Variants in NRG3 observed in about 807,000 individuals in gnomAD.
NRG3 encodes the protein neuregulin 3.
NRG3 carries 31 observed loss-of-function variants against 66.9 expected under a neutral mutation model. The observed-to-expected ratio is 0.46, with a 90% confidence interval of 0.35 to 0.63. The LOEUF (loss-of-function observed/expected upper bound fraction) is 0.63, where lower values mean the gene tolerates loss of function less well. Among genes scored for constraint, NRG3 ranks in the 20% least tolerant of loss-of-function variants. NRG3 has a pLI of 0.00. For missense variants in NRG3, 910 were observed against 878.9 expected (o/e 1.04, Z -0.45); for synonymous variants, 393 against 359.4 (o/e 1.09, Z -1.06).
chr10:82,749,827 ACCC>A (rs2058792394), intron 3 of NRG3, among the ~76,000 whole-genome samples: 2 of 151,686 alleles, frequency 1.3e-5, no homozygotes, highest in Middle Eastern at 3.5e-3. Flanking sequence ...GGCCAAGACT[ACCC>A]GAAGATTAAA....
At chr10:82,749,006 T>C (rs2058752970) in intron 3 of NRG3, among the ~76,000 whole-genome samples, 1 of 152,130 alleles carries the variant, frequency 6.6e-6, no homozygotes, top group East Asian at 1.9e-4. Context: ...AGCATCATTA[T>C]TTTTGATGCA....
At chr10:82,166,938 G>T in intron 1 of NRG3, 2 of 466,716 alleles carry the variant, frequency 4.3e-6, no homozygotes, top group South Asian at 3.8e-5. Context: ...CTGTCTTCTT[G>T]CTCGCATTAT....
At chr10:82,164,066 A>G (rs1263371433) in intron 1 of NRG3, among the ~76,000 whole-genome samples, 1 of 151,808 alleles carries the variant, frequency 6.6e-6, no homozygotes. Flanking sequence ...GACTACAGGC[A>G]TGCACCACCA....
intron 1 of NRG3, among the ~76,000 whole-genome samples, chr10:82,354,248 C>T (rs1032202930): frequency 6.6e-5 from 10 of 151,312 alleles, no homozygotes; most frequent in East Asian, 3.9e-4. Flanking sequence ...CCTATGTTGT[C>T]GAGGCTGGTC....
At chr10:82,703,833 C>T (rs1006141218) in intron 2 of NRG3, among the ~76,000 whole-genome samples, 2 of 152,122 alleles carry the variant, frequency 1.3e-5, no homozygotes, top group South Asian at 4.1e-4. Context: ...AGGATCTGAA[C>T]ATCAGATTTC....
At chr10:82,217,950 G>T (rs1397991098) in intron 1 of NRG3, among the ~76,000 whole-genome samples, 1 of 151,322 alleles carries the variant, frequency 6.6e-6, no homozygotes, top group East Asian at 1.9e-4. Context: ...TTTTTTTCTA[G>T]CCCCTACTTT....
intron 1 of NRG3, among the ~76,000 whole-genome samples, chr10:82,105,039 T>A (rs1288860283): frequency 6.6e-6 from 1 of 152,036 alleles, no homozygotes; most frequent in Admixed American, 6.6e-5. Flanking sequence ...AATAAACAGG[T>A]TATGGTTGTA....
chr10:82,669,802 C>T (rs1039925412), intron 2 of NRG3, among the ~76,000 whole-genome samples: 69 of 152,092 alleles, frequency 4.5e-4, no homozygotes, highest in African/African-American at 1.6e-3. Context: ...GTGGTGGGCG[C>T]CTGTAGTCCC....
chr10:82,556,102 C>T (rs1354116699), intron 2 of NRG3, among the ~76,000 whole-genome samples: 1 of 152,154 alleles, frequency 6.6e-6, no homozygotes, highest in Non-Finnish European at 1.5e-5. Context: ...ATGATGTTCT[C>T]CTATTTAAAA....
At chr10:82,094,666 A>G (rs1590085469) in intron 1 of NRG3, among the ~76,000 whole-genome samples, 1 of 152,224 alleles carries the variant, frequency 6.6e-6, no homozygotes, top group Non-Finnish European at 1.5e-5. Context: ...CGAGATATAT[A>G]TATCACATTT....
chr10:82,592,999 A>G (rs773317200), intron 2 of NRG3, among the ~76,000 whole-genome samples: 22 of 152,180 alleles, frequency 1.4e-4, no homozygotes, highest in Non-Finnish European at 2.9e-4. Context: ...TGATGCATAT[A>G]CAAAAAATTA....
chr10:82,713,773 T>C (rs2056812906), intron 2 of NRG3, among the ~76,000 whole-genome samples: 1 of 152,204 alleles, frequency 6.6e-6, no homozygotes, highest in South Asian at 2.1e-4. Context: ...TAAACCCAAG[T>C]TTCTTCACAA....
At chr10:82,398,946 TTGC>T (rs1185590091) in intron 2 of NRG3, among the ~76,000 whole-genome samples, 1 of 152,130 alleles carries the variant, frequency 6.6e-6, no homozygotes, top group African/African-American at 2.4e-5. Flanking sequence ...GATACACCAA[TTGC>T]TTAGAGTATT....
intron 1 of NRG3, among the ~76,000 whole-genome samples, chr10:82,091,879 G>T (rs574109141): frequency 1.3e-5 from 2 of 152,220 alleles, no homozygotes; most frequent in Admixed American, 6.5e-5. Context: ...AGTTGGATTT[G>T]CACTTTCCCA....
At chr10:82,282,249 CATTTATTTATTTATTTATTT>C (rs5786542) in intron 1 of NRG3, among the ~76,000 whole-genome samples, 128 of 148,546 alleles carry the variant, frequency 8.6e-4, no homozygotes, top group African/African-American at 2.4e-3. Flanking sequence ...GAAAACATTA[CATTTATTTATTTATTTATTT>C]ATTTATTTAT....
chr10:82,464,936 A>G (rs1397454851), intron 2 of NRG3, among the ~76,000 whole-genome samples: 1 of 152,158 alleles, frequency 6.6e-6, no homozygotes, highest in Non-Finnish European at 1.5e-5. Context: ...AAGAGGAGCT[A>G]GGCCAGGAAT....
intron 4 of NRG3, among the ~76,000 whole-genome samples, chr10:82,903,922 C>T (rs1259465770): frequency 6.6e-6 from 1 of 152,150 alleles, no homozygotes; most frequent in East Asian, 1.9e-4. Flanking sequence ...AGCAAGATTT[C>T]AGACACAAGC....
intron 1 of NRG3, among the ~76,000 whole-genome samples, chr10:82,106,054 C>T (rs1357769113): frequency 2.0e-5 from 3 of 152,160 alleles, no homozygotes; most frequent in South Asian, 2.1e-4. Flanking sequence ...CATCTATTTC[C>T]AATACTTTCC....
rs535103710 is a variant in NRG3 at position 82,422,312 on chromosome 10, C to A, written c.953+63444C>A. On this transcript the variant is annotated intron_variant, in intron 2 of 8. Coordinates refer to ENST00000372141, the MANE Select transcript of NRG3 (RefSeq NM_001010848.4). ...TGTTGTGAGATATGTTTGATAAAATCTGGGTTGATCAAATTTAAACAAGAT... is the reference window on the plus strand; with the variant it reads ...TGTTGTGAGATATGTTTGATAAAATATGGGTTGATCAAATTTAAACAAGAT... 2.0e-5 allele frequency among the ~76,000 whole-genome samples: 3 copies of A among 152,108 alleles called. No homozygotes were observed. The South Asian group carries it at 6.2e-4, about 32-fold the overall frequency.
Sources: allele counts gnomAD v4.1 joint callset (sites outside exome capture counted in the v4.1 genomes callset), GRCh38; gene constraint gnomAD v4.1.1; transcripts MANE v1.5; gene names NCBI Gene and HGNC (gene_info 2026-07-23, HGNC 2026-07-21).